XIRP2: variants seen among roughly 807,000 people sequenced by gnomAD.
The protein encoded by XIRP2 is xin actin-binding repeat-containing protein 2.
A neutral mutation model predicts 277.0 loss-of-function variants in XIRP2; 236 were observed. The ratio of observed to expected loss-of-function variants is 0.85; its 90% CI spans 0.77 to 0.95. The LOEUF is 0.95. Ranked by LOEUF, XIRP2 falls within the 40% of genes least tolerant of loss-of-function variation. The pLI is 0.00. For synonymous variants in XIRP2, 1,490 were observed against 1,416.5 expected (o/e 1.05, Z -1.17); for missense variants, 4,640 against 4,157.5 (o/e 1.12, Z -3.19).
At chr2:166,935,567 C>T (rs1482040073) in intron 2 of XIRP2, among the ~76,000 whole-genome samples, 1 of 152,160 alleles carries the variant, frequency 6.6e-6, no homozygotes, top group Non-Finnish European at 1.5e-5. Context: ...TACCCCCCTC[C>T]CCACTCCATG....
rs374157391 is a variant in XIRP2, at chr2:167,247,033, C to T, written c.5641C>T (p.Arg1881Ter). ...TLKSLKESSH[R>*]WKESKQPDAI... is the part of the protein sequence containing the mutation. Reference sequence around the variant, plus strand: ...CAAGTCACTTAAAGAATCAAGCCATCGATGGAAAGAATCTAAACAGCCTGA... The same window carrying T: ...CAAGTCACTTAAAGAATCAAGCCATTGATGGAAAGAATCTAAACAGCCTGA... The change falls in exon 9 of 11, where the codon CGA becomes TGA. Residue 1881 changes from arginine (R) to a stop codon, truncating the protein, a stop_gained. Transcript: ENST00000409195. LOFTEE classifies it high-confidence loss of function. 4.3e-6 allele frequency: 7 copies of T among 1,613,226 alleles called. No homozygotes were observed. The highest frequency in any genetic ancestry group is 1.7e-5 in the Admixed American group (1 of 59,896).
intron 2 of XIRP2, among the ~76,000 whole-genome samples, chr2:166,972,610 A>G (rs1686609906): frequency 6.6e-6 from 1 of 152,176 alleles, no homozygotes; most frequent in Non-Finnish European, 1.5e-5. Flanking sequence ...TTTATTAAGA[A>G]CAAACACAGA....
chr2:167,136,630 CTATTAA>C (rs1397332205), intron 3 of XIRP2, among the ~76,000 whole-genome samples: 1 of 152,162 alleles, frequency 6.6e-6, no homozygotes, highest in African/African-American at 2.4e-5. Context: ...AGAAATCACA[CTATTAA>C]TATTATTTTC....
At chr2:167,055,263 A>T (rs935863905) in intron 2 of XIRP2, among the ~76,000 whole-genome samples, 4 of 152,210 alleles carry the variant, frequency 2.6e-5, no homozygotes, top group Admixed American at 1.3e-4. Flanking sequence ...AGGGGAAAAA[A>T]GTTAGTGGAG....
At chr2:166,998,319 C>CTATGT (rs1408618413) in intron 2 of XIRP2, among the ~76,000 whole-genome samples, 7 of 151,874 alleles carry the variant, frequency 4.6e-5, no homozygotes, top group African/African-American at 1.7e-4. Flanking sequence ...AAGGTGACTC[C>CTATGT]AAGATGTTAA....
rs1235741918 is a variant in XIRP2, at chr2:167,244,195, G to T, written c.2803G>T (p.Val935Leu). 1 of 1,613,520 alleles carries T rather than the reference G, an allele frequency of 6.2e-7. No homozygotes were observed. Among genetic ancestry groups the T allele is most frequent in the Admixed American group, 1.7e-5 (1 of 59,920 alleles). Residue 935 changes from valine (V) to leucine (L), a missense_variant, in exon 9 of 11, where the codon GTG becomes TTG. Physicochemically the swap from Val to Leu is conservative, Grantham distance 32. Transcript: ENST00000409195. The part of the protein sequence containing the change: ...RKDKKEYTRT[V>L]KLEEVDRGDV... ...AGATAAAAAGGAGTACACACGAACA[G>T]TGAAACTTGAAGAAGTTGACAGAGG...
chr2:166,970,180 A>C (rs1686543022), intron 2 of XIRP2, among the ~76,000 whole-genome samples: 2 of 152,022 alleles, frequency 1.3e-5, no homozygotes, highest in Admixed American at 1.3e-4. Flanking sequence ...CCTTCAGCTT[A>C]GTATTTTTAC....
chr2:167,073,767 A>G (rs945165148), intron 2 of XIRP2, among the ~76,000 whole-genome samples: 1 of 152,142 alleles, frequency 6.6e-6, no homozygotes, highest in Admixed American at 6.5e-5. Context: ...CCCTAACTAG[A>G]GGGGCCAGTT....
chr2:167,160,188 T>G (rs1041055386), intron 3 of XIRP2, among the ~76,000 whole-genome samples: 2 of 152,204 alleles, frequency 1.3e-5, no homozygotes, highest in Non-Finnish European at 2.9e-5. Context: ...TAATGAGCTT[T>G]GTTTTGTTGT....
intron 2 of XIRP2, among the ~76,000 whole-genome samples, chr2:166,938,573 T>G (rs1319779734): frequency 6.6e-6 from 1 of 152,218 alleles, no homozygotes; most frequent in Admixed American, 6.5e-5. Flanking sequence ...TATATTCTGT[T>G]GATTTGGGGT....
intron 2 of XIRP2, among the ~76,000 whole-genome samples, chr2:167,008,780 A>AAT (rs1687574734): frequency 6.6e-6 from 1 of 151,550 alleles, no homozygotes; most frequent in Non-Finnish European, 1.5e-5. Flanking sequence ...GTGTTAATGT[A>AAT]ATATCCATTC....
intron 3 of XIRP2, chr2:167,187,277 C>T: frequency 1.0e-6 from 1 of 985,254 alleles, no homozygotes; most frequent in Non-Finnish European, 1.2e-6. Context: ...GACTCAGGCC[C>T]CACCTATACA....
At chr2:167,214,553 T>G (rs1450723931) in intron 4 of XIRP2, among the ~76,000 whole-genome samples, 1 of 151,564 alleles carries the variant, frequency 6.6e-6, no homozygotes, top group Non-Finnish European at 1.5e-5. Context: ...CGCAGGAAAG[T>G]AATGGGTATA....
At chr2:167,069,967 A>T (rs1363694905) in intron 2 of XIRP2, among the ~76,000 whole-genome samples, 4 of 152,086 alleles carry the variant, frequency 2.6e-5, no homozygotes, top group African/African-American at 4.8e-5. Flanking sequence ...AATATTTTTT[A>T]AAAAATCATA....
chr2:167,139,054 G>T (rs961199817), intron 3 of XIRP2, among the ~76,000 whole-genome samples: 1 of 151,170 alleles, frequency 6.6e-6, no homozygotes, highest in Non-Finnish European at 1.5e-5. Flanking sequence ...CCAACAGAGC[G>T]AGACTCTGTC....
chr2:166,934,824 C>T lies in XIRP2; in HGVS notation c.408+30934C>T, dbSNP rs116350537. On this transcript the variant is annotated intron_variant, in intron 2 of 10. Coordinates refer to ENST00000409195, the MANE Select transcript of XIRP2 (RefSeq NM_152381.6). ...GGTCAGGAGACCAGCCTGGCCAGCACGGAGAAGCACTGTCTCTACTAAAAA... is the reference window on the plus strand; with the variant it reads ...GGTCAGGAGACCAGCCTGGCCAGCATGGAGAAGCACTGTCTCTACTAAAAA... Among the ~76,000 whole-genome samples, 738 of 151,360 alleles carry T rather than the reference C, an allele frequency of 4.9e-3. 4 individuals carry two copies. Among genetic ancestry groups the T allele is most frequent in the African/African-American group, 0.017 (683 of 41,242 alleles).
intron 3 of XIRP2, among the ~76,000 whole-genome samples, chr2:167,197,650 G>T (rs965539293): frequency 6.6e-6 from 1 of 152,108 alleles, no homozygotes; most frequent in African/African-American, 2.4e-5. Flanking sequence ...CATGTAAGGA[G>T]CCTGAAACGA....
chr2:167,227,287 A>T (rs1694631316), intron 5 of XIRP2, among the ~76,000 whole-genome samples: 1 of 152,204 alleles, frequency 6.6e-6, no homozygotes, highest in Non-Finnish European at 1.5e-5. Context: ...AAATCATGGT[A>T]AAAATAATAA....
At chr2:167,094,228 G>A (rs1690230327) in intron 2 of XIRP2, among the ~76,000 whole-genome samples, 1 of 152,102 alleles carries the variant, frequency 6.6e-6, no homozygotes, top group Admixed American at 6.5e-5. Flanking sequence ...CCCTTTGTCA[G>A]GTGAATAGAT....
Sources: gnomAD v4.1 joint callset for allele counts (sites outside exome capture counted in the v4.1 genomes callset) on GRCh38, gnomAD v4.1.1 for gene constraint, MANE v1.5 for transcripts, NCBI Gene and HGNC (gene_info 2026-07-23, HGNC 2026-07-21) for gene names.